LMOD1: variants seen among roughly 807,000 people sequenced by gnomAD.
LMOD1 encodes leiomodin-1.
A neutral mutation model predicts 36.5 loss-of-function variants in LMOD1; 8 were observed. The observed-to-expected ratio is 0.22, with a 90% CI of 0.13 to 0.40. The LOEUF (loss-of-function observed/expected upper bound fraction) is 0.40. Among genes scored for constraint, LMOD1 ranks in the 10% least tolerant of loss-of-function variants. The pLI, the probability that LMOD1 is intolerant of heterozygous loss-of-function variation, is 1.00. For synonymous variants in LMOD1, 284 were observed against 288.7 expected, an observed-to-expected ratio of 0.98 and a Z score of 0.17; for missense variants, 630 against 751.1, an observed-to-expected ratio of 0.84 and a Z score of 1.88.
At chr1:201,908,758 C>T (rs754337361) in intron 1 of LMOD1, among the ~76,000 whole-genome samples, 15 of 152,158 alleles carry the variant, frequency 9.9e-5, no homozygotes, top group Non-Finnish European at 1.9e-4. Context: ...TTGGTGATGA[C>T]AGCAAAGTGC....
Position 201,898,852 on chromosome 1 carries a change from C to G in LMOD1, c.1776+385G>C, listed in dbSNP as rs375034174. 5.3e-5 allele frequency among the ~76,000 whole-genome samples: 8 copies of G among 152,194 alleles called. No homozygotes were observed. The East Asian group carries it at 1.2e-3, about 22-fold the overall frequency. ...GGACTTGGCTGGTCCTGAGAGGAGG[C>G]TAAGTAAAACGTGGATCATTTTTGT... On this transcript the variant is annotated intron_variant, in intron 2 of 2. Transcript: ENST00000367288.
Position 201,921,463 on chromosome 1 carries a change from G to A in LMOD1, c.262-20712C>T, listed in dbSNP as rs893524701. ...AGATTGCACCACTGCCCTCCAGCCT[G>A]GGCGACAGAGTGAGACTCCATCTCA... On this transcript the variant is annotated intron_variant, in intron 1 of 2. Coordinates refer to ENST00000367288, the MANE Select transcript of LMOD1 (RefSeq NM_012134.3). 7.2e-5 allele frequency among the ~76,000 whole-genome samples: 10 copies of A among 138,886 alleles called. No homozygotes were observed. The South Asian group carries it at 9.3e-4, about 13-fold the overall frequency. 91.1% of individuals were successfully genotyped at this position (138,886 alleles called of 152,430 possible). A position where few individuals can be genotyped will look rare whatever the true frequency, so the allele number is the denominator to read the frequency against.
At chr1:201,918,340 G>A (rs1681643609) in intron 1 of LMOD1, among the ~76,000 whole-genome samples, 1 of 152,104 alleles carries the variant, frequency 6.6e-6, no homozygotes, top group African/African-American at 2.4e-5. Flanking sequence ...CCTGCCTCCT[G>A]TCTTCCTTCT....
chr1:201,924,656 G>A (rs895096780), intron 1 of LMOD1, among the ~76,000 whole-genome samples: 1 of 131,800 alleles, frequency 7.6e-6, no homozygotes, highest in African/African-American at 2.9e-5. Flanking sequence ...AAGAGAGAAA[G>A]AAAGAAAAAA....
At chr1:201,927,254 A>G (rs973424171) in intron 1 of LMOD1, among the ~76,000 whole-genome samples, 7 of 152,152 alleles carry the variant, frequency 4.6e-5, no homozygotes, top group African/African-American at 1.7e-4. Flanking sequence ...GTACTCTGGG[A>G]TCATTATTAG....
chr1:201,905,142 C>A (rs1248562373), intron 1 of LMOD1, among the ~76,000 whole-genome samples: 2 of 152,106 alleles, frequency 1.3e-5, no homozygotes, highest in Non-Finnish European at 2.9e-5. Flanking sequence ...TTTCCCTTTG[C>A]GAAAAGCATT....
rs765538221 is a variant in LMOD1 at position 201,898,335 on chromosome 1, G to C, written c.*37C>G. The stretch of plus-strand genomic sequence containing the variant: ...AGCCCTGGGAGGTGAGGCCTGAGCA[G>C]TCATGGCATTGGCAGATGGTGCCTG... On this transcript the variant is annotated 3_prime_UTR_variant, in exon 3 of 3. Coordinates refer to ENST00000367288, the MANE Select transcript of LMOD1 (RefSeq NM_012134.3). 1 of 1,608,366 alleles carries C rather than the reference G, an allele frequency of 6.2e-7. No homozygotes were observed. Among genetic ancestry groups the C allele is most frequent in the Non-Finnish European group, 8.5e-7 (1 of 1,177,248 alleles).
chr1:201,944,738 G>C (rs1304275533), intron 1 of LMOD1, among the ~76,000 whole-genome samples: 2 of 151,792 alleles, frequency 1.3e-5, no homozygotes, highest in African/African-American at 4.9e-5. Context: ...GGGGCGGGGG[G>C]GGGCGGTAGG....
At chr1:201,932,610 G>C (rs1355274509) in intron 1 of LMOD1, among the ~76,000 whole-genome samples, 4 of 152,096 alleles carry the variant, frequency 2.6e-5, no homozygotes, top group Non-Finnish European at 5.9e-5. Context: ...AAATTAGCCA[G>C]GTATGGTGGT....
intron 1 of LMOD1, among the ~76,000 whole-genome samples, chr1:201,943,442 G>A (rs1682153579): frequency 6.6e-6 from 1 of 152,234 alleles, no homozygotes; most frequent in Non-Finnish European, 1.5e-5. Context: ...CACATGGAGT[G>A]AAGGCCACCG....
chr1:201,944,986 T>C (rs552571648), intron 1 of LMOD1, among the ~76,000 whole-genome samples: 3 of 152,272 alleles, frequency 2.0e-5, no homozygotes, highest in South Asian at 4.1e-4. Flanking sequence ...TCAGTTTCCA[T>C]AGAAGTAAAA....
At position 201,900,139 on chromosome 1, in the gene LMOD1, C is replaced by T. The variant is rs367728915; in HGVS notation, c.874G>A (p.Glu292Lys). 28 of 1,613,822 alleles carry T rather than the reference C, an allele frequency of 1.7e-5. No homozygotes were observed. Among genetic ancestry groups the T allele is most frequent in the African/African-American group, 2.7e-5 (2 of 74,898 alleles). ...GTGGGGCCACTGGGCGTCTGTTTCT[C>T]GGGTGTTTTGGTCTTGCTGTCATCC... ...AKDDSKTKTP[E>K]KQTPSGPTKP... Residue 292 changes from glutamate to lysine, a missense_variant, in exon 2 of 3, where the codon GAG (glutamate) becomes AAG (lysine). Glu to Lys is a moderately conservative substitution (Grantham distance 56). Transcript: ENST00000367288.
chr1:201,933,525 C>A (rs969850840), intron 1 of LMOD1, among the ~76,000 whole-genome samples: 43 of 144,016 alleles, frequency 3.0e-4, no homozygotes, highest in African/African-American at 8.9e-4. Flanking sequence ...TTCTCTCTCT[C>A]TCTCTCTATA....
intron 1 of LMOD1, among the ~76,000 whole-genome samples, chr1:201,943,537 C>A (rs538109443): frequency 4.4e-4 from 67 of 152,220 alleles, no homozygotes; most frequent in Non-Finnish European, 8.5e-4. Flanking sequence ...GTGGTCCCCA[C>A]TCTGAGCACC....
At chr1:201,943,692 C>T (rs556480936) in intron 1 of LMOD1, among the ~76,000 whole-genome samples, 2 of 152,190 alleles carry the variant, frequency 1.3e-5, no homozygotes, top group Non-Finnish European at 2.9e-5. Context: ...TTCCTTGACT[C>T]AGATGAAGTA....
chr1:201,931,623 T>A (rs1681924590), intron 1 of LMOD1, among the ~76,000 whole-genome samples: 1 of 151,940 alleles, frequency 6.6e-6, no homozygotes, highest in Non-Finnish European at 1.5e-5. Context: ...GCTTACAAGT[T>A]TTCAGGTGAC....
intron 1 of LMOD1, among the ~76,000 whole-genome samples, chr1:201,923,908 GGA>G (rs557889560): frequency 6.9e-4 from 86 of 124,258 alleles, no homozygotes; most frequent in African/African-American, 7.7e-4. Flanking sequence ...AGAGAGGGAG[GGA>G]GAGAGAGAGA....
chr1:201,901,739 T>C (rs1356712992), intron 1 of LMOD1, among the ~76,000 whole-genome samples: 1 of 143,386 alleles, frequency 7.0e-6, no homozygotes, highest in African/African-American at 2.6e-5. Flanking sequence ...CACTGAGTTT[T>C]TGGCATCCGC....
At chr1:201,940,183 C>CTTTTTTTTT (rs34390949) in intron 1 of LMOD1, among the ~76,000 whole-genome samples, 6 of 123,406 alleles carry the variant, frequency 4.9e-5, no homozygotes, top group African/African-American at 1.8e-4. Context: ...CAGCCAAGCT[C>CTTTTTTTTT]TTTTTTTTTT....
Sources: gnomAD v4.1 joint callset for allele counts (sites outside exome capture counted in the v4.1 genomes callset) on GRCh38, gnomAD v4.1.1 for gene constraint, MANE v1.5 for transcripts, NCBI Gene and HGNC (gene_info 2026-07-23, HGNC 2026-07-21) for gene names.